The following TMEM132D variants were observed in gnomAD, a reference collection of about 807,000 sequenced individuals.
The protein encoded by TMEM132D is mature OL transmembrane protein.
TMEM132D carries 21 observed loss-of-function variants against 62.3 expected under a neutral mutation model. The observed-to-expected ratio is 0.34, with a 90% CI of 0.24 to 0.49. The LOEUF is 0.49. TMEM132D is among the 20% of genes least tolerant of loss of function. The pLI is 0.99. For missense variants in TMEM132D, 1,346 were observed against 1,402.8 expected, an observed-to-expected ratio of 0.96 and a Z score of 0.65; for synonymous variants, 621 against 575.6, an observed-to-expected ratio of 1.08 and a Z score of -1.13.
At chr12:129,866,693 A>G (rs1003933039) in intron 1 of TMEM132D, among the ~76,000 whole-genome samples, 2 of 152,188 alleles carry the variant, frequency 1.3e-5, no homozygotes, top group Non-Finnish European at 2.9e-5. Flanking sequence ...TGGTAAAGCC[A>G]TTACGGCAAA....
At chr12:129,136,385 C>A (rs1297828738) in intron 5 of TMEM132D, among the ~76,000 whole-genome samples, 3 of 152,206 alleles carry the variant, frequency 2.0e-5, no homozygotes, top group Admixed American at 6.5e-5. Flanking sequence ...CTCAGTCTTT[C>A]CCTACCTTTC....
chr12:129,764,947 AAAAAG>A (rs931016095), intron 1 of TMEM132D, among the ~76,000 whole-genome samples: 4 of 152,144 alleles, frequency 2.6e-5, no homozygotes, highest in Non-Finnish European at 4.4e-5. Context: ...TCTCAAAAAG[AAAAAG>A]AAAACACCCC....
Position 129,892,774 on chromosome 12 carries a change from G to T in TMEM132D, c.79+10487C>A, listed in dbSNP as rs530362929. 3.9e-5 allele frequency among the ~76,000 whole-genome samples: 6 copies of T among 152,160 alleles called. No homozygotes were observed. The East Asian group carries it at 1.2e-3, about 29-fold the overall frequency. On this transcript the variant is annotated intron_variant, in intron 1 of 8. Transcript: ENST00000422113. ...TTGTTACTAGGAGCCCAGAACCCTG[G>T]GCCATCCATGCCTTTGTAGTCTTTG...
At chr12:129,893,223 C>A (rs1424545217) in intron 1 of TMEM132D, among the ~76,000 whole-genome samples, 1 of 152,066 alleles carries the variant, frequency 6.6e-6, no homozygotes, top group Non-Finnish European at 1.5e-5. Context: ...GATTCCTGTA[C>A]CTCAATTTTT....
In TMEM132D at chr12:129,087,947, T is replaced by C. The variant is rs78547894; in HGVS notation, c.1444-3245A>G. Among the ~76,000 whole-genome samples the C allele has an allele frequency of 8.4e-3, 268 of 32,072 alleles. 3 individuals are homozygous for C. Among genetic ancestry groups the C allele is most frequent in the African/African-American group, 0.02 (153 of 7,490 alleles). 21.0% of individuals were successfully genotyped at this position (32,072 alleles called of 152,430 possible). A position where few individuals can be genotyped will look rare whatever the true frequency, so the allele number is the denominator to read the frequency against. On this transcript the variant is annotated intron_variant, in intron 5 of 8. Transcript: ENST00000422113. The stretch of plus-strand genomic sequence containing the variant: ...GACCGGGTGTCCTCCATGACCGGGG[T>C]GTCCTCCCTGACCGGGGTGTCCTCC...
intron 3 of TMEM132D, among the ~76,000 whole-genome samples, chr12:129,488,197 A>G (rs1363603102): frequency 2.0e-5 from 3 of 152,170 alleles, no homozygotes; most frequent in South Asian, 4.2e-4. Flanking sequence ...TATAAATAAC[A>G]TGGTCTGTGG....
chr12:129,425,507 T>G (rs538724467), intron 3 of TMEM132D, among the ~76,000 whole-genome samples: 1 of 152,260 alleles, frequency 6.6e-6, no homozygotes, highest in East Asian at 1.9e-4. Flanking sequence ...TTAATGTTCT[T>G]TGCAAAACAT....
chr12:129,497,674 T>C (rs569326981), intron 3 of TMEM132D, among the ~76,000 whole-genome samples: 2 of 152,330 alleles, frequency 1.3e-5, no homozygotes, highest in East Asian at 3.9e-4. Flanking sequence ...TTTTGTTTTT[T>C]TTTTTTAAAC....
intron 1 of TMEM132D, among the ~76,000 whole-genome samples, chr12:129,823,126 G>T (rs1332583167): frequency 6.6e-6 from 1 of 152,170 alleles, no homozygotes; most frequent in East Asian, 1.9e-4. Flanking sequence ...TTCACCATGT[G>T]ATGTGCCTAC....
At chr12:129,519,861 C>T (rs368286753) in intron 3 of TMEM132D, among the ~76,000 whole-genome samples, 5 of 152,132 alleles carry the variant, frequency 3.3e-5, no homozygotes, top group East Asian at 1.9e-4. Context: ...CGCCCGCCTC[C>T]GCCTCCCAAA....
chr12:129,530,886 C>T (rs1488785312), intron 3 of TMEM132D, among the ~76,000 whole-genome samples, 173 bp downstream of exon 3: 1 of 151,814 alleles, frequency 6.6e-6, no homozygotes, highest in East Asian at 1.9e-4. Context: ...TAACAGCCCA[C>T]CTTTCCCAAA....
chr12:129,442,710 T>C (rs1872976264), intron 3 of TMEM132D, among the ~76,000 whole-genome samples: 1 of 152,134 alleles, frequency 6.6e-6, no homozygotes, highest in Non-Finnish European at 1.5e-5. Context: ...AATACTGGAA[T>C]CCATGCCCAG....
At chr12:129,251,983 T>C (rs1304505055) in intron 4 of TMEM132D, among the ~76,000 whole-genome samples, 1 of 152,188 alleles carries the variant, frequency 6.6e-6, no homozygotes, top group African/African-American at 2.4e-5. Context: ...ACCCACCCTA[T>C]ACTTTTATGA....
intron 4 of TMEM132D, among the ~76,000 whole-genome samples, chr12:129,305,553 C>A (rs1462034152): frequency 6.6e-6 from 1 of 152,122 alleles, no homozygotes; most frequent in Non-Finnish European, 1.5e-5. Flanking sequence ...TGTTATAAAG[C>A]CATCCAAATG....
intron 5 of TMEM132D, 124 bp from the exon 6 acceptor site, chr12:129,084,826 T>A: frequency 3.7e-6 from 3 of 813,282 alleles, no homozygotes; most frequent in Non-Finnish European, 5.8e-6. Context: ...CCCCTTACTA[T>A]GGGGGAGGAG....
At chr12:129,273,464 C>G (rs1295953177) in intron 4 of TMEM132D, among the ~76,000 whole-genome samples, 2 of 144,526 alleles carry the variant, frequency 1.4e-5, no homozygotes, top group Non-Finnish European at 3.0e-5. Context: ...AGCACATGAA[C>G]TCATACGTTC....
chr12:129,854,073 C>T (rs1873634484), intron 1 of TMEM132D, among the ~76,000 whole-genome samples: 1 of 152,266 alleles, frequency 6.6e-6, no homozygotes, highest in East Asian at 1.9e-4. Flanking sequence ...TACTAATGCC[C>T]ATGGCAGTCC....
chr12:129,410,707 T>C (rs759263366), intron 3 of TMEM132D, among the ~76,000 whole-genome samples: 51 of 152,156 alleles, frequency 3.4e-4, no homozygotes, highest in Non-Finnish European at 4.3e-4. Context: ...GAAAAAAAAT[T>C]TGATGTTAAT....
chr12:129,768,906 C>T (rs1032803880), intron 1 of TMEM132D, among the ~76,000 whole-genome samples: 3 of 152,176 alleles, frequency 2.0e-5, no homozygotes, highest in South Asian at 2.1e-4. Context: ...TGTGGGATTG[C>T]ACCTGATGTT....
Sources: allele counts gnomAD v4.1 joint callset (sites outside exome capture counted in the v4.1 genomes callset), GRCh38; gene constraint gnomAD v4.1.1; transcripts MANE v1.5; gene names NCBI Gene and HGNC (gene_info 2026-07-23, HGNC 2026-07-21).